SAMD4B: variants seen among roughly 807,000 people sequenced by gnomAD.
The protein encoded by SAMD4B is protein Smaug homolog 2.
In SAMD4B, 5 loss-of-function variants were observed where a neutral mutation model predicts 74.5. That is an observed-to-expected ratio of 0.07 (90% CI 0.04 to 0.14). SAMD4B has a LOEUF of 0.14. SAMD4B is among the 10% of genes least tolerant of loss of function. The pLI is 1.00. For synonymous variants in SAMD4B, 373 were observed against 374.9 expected (o/e 1.00, Z 0.06); for missense variants, 608 against 921.8 (o/e 0.66, Z 4.41).
At chr19:39,353,814 C>G (rs920701804) in intron 1 of SAMD4B, among the ~76,000 whole-genome samples, 192 bp from the exon 2 acceptor site, 2 of 152,152 alleles carry the variant, frequency 1.3e-5, no homozygotes, top group Non-Finnish European at 2.9e-5. Flanking sequence ...GTTGGCCAGG[C>G]TGGTCTCAAA....
rs2077541992 is a variant in SAMD4B at position 39,375,410 on chromosome 19, G to C, written c.668-240G>C. ...GCAGTAATTCCTGCCAGGGGTGCTG[G>C]TGGCTTGAGCCAGCGGAACTGGAGA... is the stretch of plus-strand genomic sequence containing the variant. On this transcript the variant is annotated intron_variant, in intron 4 of 13. Transcript: ENST00000610417. The surrounding 1 kb of genome is among the most constrained non-coding windows in gnomAD (Gnocchi z 4.1). Among the ~76,000 whole-genome samples, 1 of 152,184 alleles carries C rather than the reference G, an allele frequency of 6.6e-6. No individual in the cohort carries two copies. The highest frequency in any genetic ancestry group is 2.4e-5 in the African/African-American group (1 of 41,420).
rs987701292 is a variant in SAMD4B at position 39,372,075 on chromosome 19, G to A, written c.667+1950G>A. Among the ~76,000 whole-genome samples the A allele has an allele frequency of 5.3e-5, 8 of 152,074 alleles. No homozygotes were observed. In the East Asian group the frequency reaches 1.5e-3, roughly 29 times the overall value. ...ATACCTTTTGTGCTCCCCATCATGG[G>A]TACCCCAGCAGCCATTAAAGGATGA... On this transcript the variant is annotated intron_variant, in intron 4 of 13. Coordinates refer to ENST00000610417, the MANE Select transcript of SAMD4B (RefSeq NM_001384574.2).
chr19:39,387,084 C>T, downstream of SAMD4B: 3 of 523,988 alleles, frequency 5.7e-6, no homozygotes, highest in Non-Finnish European at 1.1e-5. Flanking sequence ...AACAGGGACA[C>T]ATTCTGAGAT....
rs747464719 is a variant in SAMD4B, at chr19:39,377,664, C to T, written c.1284C>T (p.Ala428=). 4 of 1,614,136 alleles carry T rather than the reference C, an allele frequency of 2.5e-6. No individual in the cohort carries two copies. Among genetic ancestry groups the T allele is most frequent in the Non-Finnish European group, 3.4e-6 (4 of 1,179,966 alleles). Residue 428 remains alanine, a synonymous_variant, in exon 8 of 14, where the codon GCC becomes GCT. Transcript: ENST00000610417. ...PPLPGAEPPL[A]HPGTDKGTEA... ...TGCCAGGTGCTGAGCCTCCCCTAGC[C>T]CACCCCGGCACAGACAAAGGCACCG...
intron 3 of SAMD4B, among the ~76,000 whole-genome samples, chr19:39,357,911 A>G (rs1220565829): frequency 1.3e-5 from 2 of 152,208 alleles, no homozygotes; most frequent in African/African-American, 2.4e-5. Flanking sequence ...CTTCTTCAGA[A>G]TAATAGTTCA....
chr19:39,352,040 T>C (rs993171104), intron 1 of SAMD4B: 2 of 152,262 alleles, frequency 1.3e-5, no homozygotes, highest in African/African-American at 2.4e-5. Flanking sequence ...AGGCGGCCTC[T>C]GGCCCTTTAA....
rs2077180389 is a variant in SAMD4B at position 39,369,766 on chromosome 19, G to A, written c.308G>A (p.Arg103Lys). 1 of 1,614,090 alleles carries A rather than the reference G, an allele frequency of 6.2e-7. No individual in the cohort carries two copies. Among genetic ancestry groups the A allele is most frequent in the Non-Finnish European group, 8.5e-7 (1 of 1,180,038 alleles). The change falls in exon 4 of 14, where the codon AGG becomes AAG. Residue 103 changes from arginine (R) to lysine (K), a missense_variant. This residue lies in a region of SAMD4B where 74 missense variants were observed against 182.0 expected (regional missense o/e 0.41). Transcript: ENST00000610417. Reference sequence around the variant, plus strand: ...ACAGAGGCCAAGTCGGAGTACATGAGGCTACTGCAGAAAGTGCTGGCCTAC... The same window carrying A: ...ACAGAGGCCAAGTCGGAGTACATGAAGCTACTGCAGAAAGTGCTGGCCTAC... ...GNTEAKSEYMRLLQKVLAYSI... is the reference protein window; with the variant it reads ...GNTEAKSEYMKLLQKVLAYSI...
rs940049734 is a variant in SAMD4B at position 39,343,522 on chromosome 19, C to A, written c.-267+946C>A. On this transcript the variant is annotated intron_variant, in intron 1 of 13. Transcript: ENST00000610417. ...CATACACACTCCCCCTTCACGTATC[C>A]CTCTGGACCTTTCCACAGATCCCAA... Among the ~76,000 whole-genome samples, 3 of 150,376 alleles carry A rather than the reference C, an allele frequency of 2.0e-5. No individual in the cohort carries two copies. In the East Asian group the frequency reaches 5.9e-4, roughly 29 times the overall value.
intron 3 of SAMD4B, among the ~76,000 whole-genome samples, chr19:39,365,275 C>A (rs371304712): frequency 6.8e-6 from 1 of 146,340 alleles, no homozygotes; most frequent in Non-Finnish European, 1.5e-5. Flanking sequence ...TCCTCCCTGC[C>A]GGACACCATG....
chr19:39,375,572 G>A lies in SAMD4B; in HGVS notation c.668-78G>A, dbSNP rs1350033802. On this transcript the variant is annotated intron_variant, in intron 4 of 13. Transcript: ENST00000610417. The surrounding 1 kb of genome is among the most constrained non-coding windows in gnomAD (Gnocchi z 4.1). ...GGTTATGGGGCCAAACTGCCATCCT[G>A]GCACTGACGGCAGGGGGATGGTCTC... is the stretch of plus-strand genomic sequence containing the variant. 1 of 1,542,948 alleles carries A rather than the reference G, an allele frequency of 6.5e-7. No homozygotes were observed. The highest frequency in any genetic ancestry group is 8.8e-7 in the Non-Finnish European group (1 of 1,135,582).
intron 12 of SAMD4B, among the ~76,000 whole-genome samples, chr19:39,382,183 G>A (rs540111995): frequency 1.1e-4 from 17 of 152,312 alleles, no homozygotes; most frequent in Admixed American, 7.2e-4. Context: ...TGTTGAGGCC[G>A]TGGGAACCCA....
chr19:39,381,231 C>T (rs2077964965), intron 12 of SAMD4B, 118 bp downstream of exon 12: 1 of 1,211,194 alleles, frequency 8.3e-7, no homozygotes, highest in South Asian at 1.5e-5. Flanking sequence ...CTCCCCATAC[C>T]TCACACCACT....
At chr19:39,374,796 G>C (rs750864953) in intron 4 of SAMD4B, among the ~76,000 whole-genome samples, 1 of 152,184 alleles carries the variant, frequency 6.6e-6, no homozygotes, top group African/African-American at 2.4e-5. Flanking sequence ...AGCCCAGATC[G>C]TGCCACTGCA....
At chr19:39,343,060 C>G (rs989816179) in intron 1 of SAMD4B, among the ~76,000 whole-genome samples, 1 of 151,808 alleles carries the variant, frequency 6.6e-6, no homozygotes, top group African/African-American at 2.4e-5. Flanking sequence ...AGAAATAGTC[C>G]TCGGAGGCCA....
chr19:39,347,487 C>T (rs549052299), intron 1 of SAMD4B, among the ~76,000 whole-genome samples: 9 of 152,294 alleles, frequency 5.9e-5, no homozygotes, highest in Middle Eastern at 6.8e-3. Flanking sequence ...GTCCCCCAGC[C>T]GCAGTCATTC....
downstream of SAMD4B, chr19:39,388,359 G>A: frequency 6.2e-7 from 1 of 1,614,116 alleles, no homozygotes; most frequent in Non-Finnish European, 8.5e-7. Flanking sequence ...ACTCATTGTA[G>A]TAAACCCCGT....
chr19:39,386,651 A>G, downstream of SAMD4B: 1 of 1,598,424 alleles, frequency 6.3e-7, no homozygotes, highest in Non-Finnish European at 8.6e-7. This position sits in a 1 kb window ranked among gnomAD's most constrained non-coding sequence, Gnocchi z 6.1. Context: ...TACAACCACC[A>G]CCCTCCCTGC....
chr19:39,353,611 TTTC>T (rs1237036749), intron 1 of SAMD4B, among the ~76,000 whole-genome samples: 2 of 152,112 alleles, frequency 1.3e-5, no homozygotes, highest in Non-Finnish European at 2.9e-5. Flanking sequence ...GTTTTCTTGT[TTTC>T]TTTTTGAGAT....
downstream of SAMD4B, chr19:39,388,378 C>T (rs571733297): frequency 6.8e-6 from 11 of 1,614,082 alleles, no homozygotes; most frequent in South Asian, 3.3e-5. Context: ...GTCACCCTCT[C>T]GGAAGATGAA....
Sources: gnomAD v4.1 joint callset for allele counts (sites outside exome capture counted in the v4.1 genomes callset) on GRCh38, gnomAD v4.1.1 for gene constraint, gnomAD v4.1.1 regional missense constraint, Gnocchi (gnomAD v3.1) non-coding constraint, MANE v1.5 for transcripts, NCBI Gene and HGNC (gene_info 2026-07-23, HGNC 2026-07-21) for gene names.